The following DENND5A variants were observed in gnomAD, a reference collection of about 807,000 sequenced individuals.
DENND5A encodes DENN domain containing 5A, also known as DENN domain-containing protein 5A.
DENND5A carries 64 observed loss-of-function variants against 140.3 expected under a neutral mutation model. The observed-to-expected ratio is 0.46, with a 90% CI of 0.37 to 0.56. DENND5A has a LOEUF of 0.56. Ranked by LOEUF, DENND5A falls within the 20% of genes least tolerant of loss-of-function variation. DENND5A has a pLI of 0.00. For synonymous variants in DENND5A, 605 were observed against 607.7 expected (o/e 1.00, Z 0.07); for missense variants, 1,292 against 1,593.8 (o/e 0.81, Z 3.22).
At chr11:9,228,349 G>A (rs1004331741) in intron 1 of DENND5A, among the ~76,000 whole-genome samples, 5 of 152,098 alleles carry the variant, frequency 3.3e-5, no homozygotes, top group African/African-American at 1.2e-4. Flanking sequence ...GAAACTTTCA[G>A]CTCCCCACCA....
At chr11:9,234,300 T>A (rs920441245) in intron 1 of DENND5A, among the ~76,000 whole-genome samples, 1 of 151,354 alleles carries the variant, frequency 6.6e-6, no homozygotes, top group African/African-American at 2.4e-5. Context: ...CAAACCTCAA[T>A]CTTTCCCACC....
At chr11:9,144,783 C>T (rs1158448458) in intron 18 of DENND5A, among the ~76,000 whole-genome samples, 30 of 148,274 alleles carry the variant, frequency 2.0e-4, no homozygotes, top group African/African-American at 3.0e-4. Flanking sequence ...AGCAAGACTC[C>T]GTCTCAAAAA....
At chr11:9,189,431 GCCATCATCCTTCAGACC>G (rs2136189798) in intron 5 of DENND5A, among the ~76,000 whole-genome samples, 1 of 152,206 alleles carries the variant, frequency 6.6e-6, no homozygotes, top group African/African-American at 2.4e-5. Context: ...TGAGAAGAAA[GCCATCATCCTTCAGACC>G]CCAGAATGGT....
At chr11:9,145,595 C>A in intron 17 of DENND5A, 75 bp downstream of exon 17, 1 of 1,519,714 alleles carries the variant, frequency 6.6e-7, no homozygotes. Flanking sequence ...CTCTGAAAAA[C>A]CCTGCAGAAA....
chr11:9,170,169 A>G, intron 9 of DENND5A: 1 of 648,984 alleles, frequency 1.5e-6, no homozygotes, highest in Non-Finnish European at 1.9e-6. Flanking sequence ...CTCTCTTGAA[A>G]CATCTACAAA....
rs1275655523 is a variant in DENND5A, at chr11:9,258,290, C to G, written c.109+6671G>C. Among the ~76,000 whole-genome samples, 3 of 150,080 alleles carry G rather than the reference C, an allele frequency of 2.0e-5. No individual in the cohort carries two copies. In the East Asian group the frequency reaches 5.9e-4, roughly 29 times the overall value. ...TCCCTCCCCTAGTCCCCCACCCCCCCAACAGGCCCCAGTGTGTGATGTTCC... is the reference window on the plus strand; with the variant it reads ...TCCCTCCCCTAGTCCCCCACCCCCCGAACAGGCCCCAGTGTGTGATGTTCC... On this transcript the variant is annotated intron_variant, in intron 1 of 22. Transcript: ENST00000328194.
chr11:9,236,222 CA>C (rs140163795), intron 1 of DENND5A, among the ~76,000 whole-genome samples: 5,406 of 87,980 alleles, frequency 0.061, 303 homozygotes, highest in African/African-American at 0.19. Flanking sequence ...GACCCTGTCT[CA>C]AAAAAAAAAA....
At chr11:9,186,056 T>C (rs574398256) in intron 5 of DENND5A, among the ~76,000 whole-genome samples, 4 of 152,360 alleles carry the variant, frequency 2.6e-5, no homozygotes, top group Non-Finnish European at 4.4e-5. Context: ...TAAAACTGCA[T>C]GTTTAACAAG....
At chr11:9,149,966 G>C (rs779310461) in intron 15 of DENND5A, 115 bp downstream of exon 15, 11 of 1,398,648 alleles carry the variant, frequency 7.9e-6, no homozygotes, top group African/African-American at 1.5e-5. Flanking sequence ...AAGCAAAGAG[G>C]TTAGCTGAAT....
rs77386481 is a variant in DENND5A at position 9,178,647 on chromosome 11, C to T, written c.1671+211G>A. The stretch of plus-strand genomic sequence containing the variant: ...TGTCTATCTTTGCCTTAAGAGATCC[C>T]TTTGGCTGAAGGTAAATCGTCTGAT... On this transcript the variant is annotated intron_variant, in intron 7 of 22. Coordinates refer to ENST00000328194, the MANE Select transcript of DENND5A (RefSeq NM_015213.4). 3.7e-3 allele frequency among the ~76,000 whole-genome samples: 565 copies of T among 152,252 alleles called. 4 individuals carry two copies. The highest frequency in any genetic ancestry group is 0.013 in the African/African-American group (538 of 41,522).
At chr11:9,251,951 C>A (rs538615309) in intron 1 of DENND5A, among the ~76,000 whole-genome samples, 1 of 150,444 alleles carries the variant, frequency 6.6e-6, no homozygotes, top group African/African-American at 2.5e-5. Context: ...ATGGCACCAC[C>A]GTACTCCAGC....
Position 9,212,948 on chromosome 11 carries a change from G to A in DENND5A, c.110-5316C>T, listed in dbSNP as rs116130668. 3.8e-3 allele frequency among the ~76,000 whole-genome samples: 571 copies of A among 151,936 alleles called. 2 individuals are homozygous for A. Among genetic ancestry groups the A allele is most frequent in the African/African-American group, 0.013 (535 of 41,420 alleles). On this transcript the variant is annotated intron_variant, in intron 1 of 22. Coordinates refer to ENST00000328194, the MANE Select transcript of DENND5A (RefSeq NM_015213.4). ...AAGGGCAACCCCAAGAATTCTTATGGTGATGGAACTCTTTGATACCTTGAC... is the reference window on the plus strand; with the variant it reads ...AAGGGCAACCCCAAGAATTCTTATGATGATGGAACTCTTTGATACCTTGAC...
chr11:9,208,989 T>C (rs1321559358), intron 1 of DENND5A, among the ~76,000 whole-genome samples: 1 of 152,236 alleles, frequency 6.6e-6, no homozygotes, highest in Non-Finnish European at 1.5e-5. Context: ...GCTGACATAA[T>C]GATCTCGTCT....
chr11:9,163,337 C>T (rs7396130), intron 11 of DENND5A, among the ~76,000 whole-genome samples: 24,064 of 152,178 alleles, frequency 0.16, 2,418 homozygotes, highest in Middle Eastern at 0.22. Context: ...CCTGTTGCCT[C>T]ACGTGCAAGC....
intron 15 of DENND5A, among the ~76,000 whole-genome samples, chr11:9,147,920 G>C (rs1226950450): frequency 6.6e-6 from 1 of 152,192 alleles, no homozygotes; most frequent in Non-Finnish European, 1.5e-5. Context: ...GGTTGTCCAA[G>C]CTGCAATCAC....
intron 1 of DENND5A, among the ~76,000 whole-genome samples, chr11:9,215,789 A>T (rs1850068296): frequency 6.6e-6 from 1 of 151,962 alleles, no homozygotes; most frequent in Non-Finnish European, 1.5e-5. Flanking sequence ...ACCTCAGAAG[A>T]TCCGCCCGCC....
chr11:9,256,743 G>C (rs1328487670), intron 1 of DENND5A, among the ~76,000 whole-genome samples: 2 of 152,172 alleles, frequency 1.3e-5, no homozygotes, highest in Non-Finnish European at 2.9e-5. Flanking sequence ...TTAGAGGGTT[G>C]GGAGAAAATG....
chr11:9,247,561 AG>A (rs978427932), intron 1 of DENND5A, among the ~76,000 whole-genome samples: 1 of 152,050 alleles, frequency 6.6e-6, no homozygotes, highest in Non-Finnish European at 1.5e-5. Flanking sequence ...CACCTAGTGA[AG>A]AAAAAAAAAA....
At chr11:9,203,531 C>T (rs958681282) in intron 4 of DENND5A, 129 bp downstream of exon 4, 7 of 1,067,682 alleles carry the variant, frequency 6.6e-6, no homozygotes, top group Admixed American at 5.7e-5. Flanking sequence ...CCACCACCTA[C>T]CTGCAAAAGA....
Sources: gnomAD v4.1 joint callset for allele counts (sites outside exome capture counted in the v4.1 genomes callset) on GRCh38, gnomAD v4.1.1 for gene constraint, MANE v1.5 for transcripts, NCBI Gene and HGNC (gene_info 2026-07-23, HGNC 2026-07-21) for gene names.